IGFL4: variants seen among roughly 807,000 people sequenced by gnomAD.
IGFL4 encodes the protein insulin growth factor-like family member 4.
A neutral mutation model predicts 15.4 loss-of-function variants in IGFL4; 12 were observed. The ratio of observed to expected loss-of-function variants is 0.78; its 90% CI spans 0.50 to 1.26. IGFL4 has a LOEUF of 1.26. IGFL4 is among the 50% of genes most tolerant of loss of function. IGFL4 has a pLI of 0.00. For missense variants in IGFL4, 126 were observed against 147.8 expected (o/e 0.85, Z 0.76); for synonymous variants, 54 against 55.9 (o/e 0.97, Z 0.16).
At chr19:46,055,207 A>G (rs1969381809) in intron 2 of IGFL4, among the ~76,000 whole-genome samples, 1 of 152,214 alleles carries the variant, frequency 6.6e-6, no homozygotes, top group African/African-American at 2.4e-5. Flanking sequence ...TGGGAATGGC[A>G]TTTGATAACA....
chr19:46,042,210 G>A (rs1270311793), upstream of IGFL4, among the ~76,000 whole-genome samples: 2 of 151,946 alleles, frequency 1.3e-5, no homozygotes, highest in South Asian at 2.1e-4. Flanking sequence ...AGCTCTCCTC[G>A]CCTATTTCTG....
intron 2 of IGFL4, among the ~76,000 whole-genome samples, chr19:46,054,820 A>G (rs1300788438): frequency 6.6e-6 from 1 of 152,164 alleles, no homozygotes; most frequent in Non-Finnish European, 1.5e-5. Context: ...GGAATAGAAG[A>G]TCTATAGTCT....
rs1320873133 is a variant in IGFL4 at position 46,052,991 on chromosome 19, G to A, written c.-323+7194C>T. ...GAAAAAAAAAAAAAAAAAGCAGGAG[G>A]AACCCTCGGTGGAAAGTATGCATAG... On this transcript the variant is annotated intron_variant, in intron 2 of 5. Coordinates refer to the IGFL4 transcript ENST00000601672. Among the ~76,000 whole-genome samples, 6 of 148,530 alleles carry A rather than the reference G, an allele frequency of 4.0e-5. No homozygotes were observed. The East Asian group carries it at 1.2e-3, about 29-fold the overall frequency.
rs540564886 is a variant in IGFL4, at chr19:46,073,079, AAAAT to A, written c.-432+3937_-432+3940del. ...ACAGGAGGGGACTACCAACAAAACTAAAATAAAGCCTGTAGATTCAACATTCATT... is the reference window on the plus strand; with the variant it reads ...ACAGGAGGGGACTACCAACAAAACTAAAAGCCTGTAGATTCAACATTCATT... On this transcript the variant is annotated intron_variant, in intron 1 of 5. Transcript: ENST00000601672. Among the ~76,000 whole-genome samples, 307 of 152,292 alleles carry A rather than the reference AAAAT, an allele frequency of 2.0e-3. 2 individuals carry two copies. The highest frequency in any genetic ancestry group is 6.3e-3 in the African/African-American group (263 of 41,548).
chr19:46,070,604 A>G (rs186444643), intron 1 of IGFL4, among the ~76,000 whole-genome samples: 2 of 152,280 alleles, frequency 1.3e-5, no homozygotes, highest in Admixed American at 6.5e-5. Flanking sequence ...AAAACGCCCA[A>G]TCCCCTCTTA....
upstream of IGFL4, among the ~76,000 whole-genome samples, chr19:46,043,889 A>G (rs1969272179): frequency 6.6e-6 from 1 of 152,246 alleles, no homozygotes; most frequent in Admixed American, 6.5e-5. Flanking sequence ...AACATTGTCC[A>G]TTTAAAAAAT....
Position 46,040,601 on chromosome 19 carries a change from G to T in IGFL4, c.20-33C>A. Reference sequence around the variant, plus strand: ...GCAGAAGGAGAGCGAGAATGATTCTGAGGTCACTAGGTCTTGACCACGGGG... The same window carrying T: ...GCAGAAGGAGAGCGAGAATGATTCTTAGGTCACTAGGTCTTGACCACGGGG... On this transcript the variant is annotated intron_variant, in intron 1 of 3. Coordinates refer to ENST00000377697, the MANE Select transcript of IGFL4 (RefSeq NM_001002923.3). The surrounding 1 kb of genome is among the most constrained non-coding windows in gnomAD (Gnocchi z 4.1). 6.2e-7 allele frequency: 1 copy of T among 1,612,304 alleles called. No individual in the cohort carries two copies. Among genetic ancestry groups the T allele is most frequent in the Non-Finnish European group, 8.5e-7 (1 of 1,178,676 alleles).
intron 2 of IGFL4, among the ~76,000 whole-genome samples, chr19:46,047,538 GAAGAA>G (rs1366525759): frequency 6.6e-6 from 1 of 151,946 alleles, no homozygotes; most frequent in African/African-American, 2.4e-5. Flanking sequence ...GACTAATGAA[GAAGAA>G]AAGAGAGAAT....
chr19:46,042,142 G>T (rs1026631187), upstream of IGFL4, among the ~76,000 whole-genome samples: 11 of 47,958 alleles, frequency 2.3e-4, no homozygotes, highest in Admixed American at 2.5e-3. Flanking sequence ...CTCCAGCCTG[G>T]CCTCTCCTTT....
At chr19:46,041,680 T>C (rs969293614), upstream of IGFL4, among the ~76,000 whole-genome samples, 1 of 151,954 alleles carries the variant, frequency 6.6e-6, no homozygotes. Flanking sequence ...GGCGTATTTT[T>C]AGAGCATGCC....
chr19:46,074,688 T>G (rs965223066), intron 1 of IGFL4, among the ~76,000 whole-genome samples: 5 of 152,186 alleles, frequency 3.3e-5, no homozygotes, highest in African/African-American at 1.2e-4. Context: ...TGCTTTCTAT[T>G]CTAGCCAAGC....
At position 46,039,704 on chromosome 19, in the gene IGFL4, G is replaced by A; in HGVS notation, c.*188C>T. ...TTTGGCTCTCTGTTTGTCTGTTGTT[G>A]GTGTATAAGAATGCTTGTGATTTTT... On this transcript the variant is annotated 3_prime_UTR_variant, in exon 4 of 4. Transcript: ENST00000377697. 1 of 514,826 alleles carries A rather than the reference G, an allele frequency of 1.9e-6. No individual in the cohort carries two copies. Among genetic ancestry groups the A allele is most frequent in the Non-Finnish European group, 3.6e-6 (1 of 276,922 alleles). 31.9% of individuals were successfully genotyped at this position (514,826 alleles called of 1,614,324 possible).
intron 1 of IGFL4, among the ~76,000 whole-genome samples, chr19:46,065,318 T>C (rs1969484128): frequency 1.7e-5 from 2 of 118,232 alleles, no homozygotes; most frequent in South Asian, 5.4e-4. Flanking sequence ...GCTTTTCTTT[T>C]CTTTTCTTTT....
upstream of IGFL4, among the ~76,000 whole-genome samples, chr19:46,041,513 T>C (rs912761849): frequency 5.9e-5 from 9 of 151,836 alleles, no homozygotes; most frequent in African/African-American, 2.2e-4. Context: ...TGCAAAACTG[T>C]GCCAGGGAGA....
intron 2 of IGFL4, among the ~76,000 whole-genome samples, chr19:46,056,885 A>G (rs568063175): frequency 6.6e-6 from 1 of 152,314 alleles, no homozygotes; most frequent in Admixed American, 6.5e-5. Context: ...CAAATTCCTG[A>G]AACCTTTGAC....
intron 1 of IGFL4, among the ~76,000 whole-genome samples, chr19:46,072,729 G>A (rs1482015936): frequency 6.6e-6 from 1 of 152,184 alleles, no homozygotes; most frequent in East Asian, 1.9e-4. Context: ...GCTCACAACT[G>A]GTCAGTTTGA....
upstream of IGFL4, chr19:46,041,054 C>T: frequency 8.4e-7 from 1 of 1,189,416 alleles, no homozygotes. Context: ...GAACTTACCG[C>T]CATTTAGGGA....
intron 1 of IGFL4, among the ~76,000 whole-genome samples, chr19:46,069,781 A>G (rs969736353): frequency 6.6e-6 from 1 of 152,260 alleles, no homozygotes; most frequent in Non-Finnish European, 1.5e-5. Flanking sequence ...CACTTTAATT[A>G]GAGTGTTTAG....
chr19:46,050,231 T>C (rs939445993), intron 2 of IGFL4, among the ~76,000 whole-genome samples: 1 of 151,924 alleles, frequency 6.6e-6, no homozygotes, highest in African/African-American at 2.4e-5. Context: ...AACAGAAAAA[T>C]AATTTTGGTA....
Sources: gnomAD v4.1 joint callset for allele counts (sites outside exome capture counted in the v4.1 genomes callset) on GRCh38, gnomAD v4.1.1 for gene constraint, Gnocchi (gnomAD v3.1) non-coding constraint, MANE v1.5 for transcripts, NCBI Gene and HGNC (gene_info 2026-07-23, HGNC 2026-07-21) for gene names.